Variants in PPP2R5C observed in about 807,000 individuals in gnomAD.
The protein encoded by PPP2R5C is protein phosphatase 2 regulatory subunit B'gamma.
In PPP2R5C, 7 loss-of-function variants were observed where a neutral mutation model predicts 68.9. That is an observed-to-expected ratio of 0.10 (90% CI 0.06 to 0.19). The LOEUF (loss-of-function observed/expected upper bound fraction) is 0.19. PPP2R5C is among the 10% of genes least tolerant of loss of function. The probability of loss-of-function intolerance (pLI) is 1.00; values close to 1 mark genes in which losing one functional copy is unlikely to be tolerated. For missense variants in PPP2R5C, 348 were observed against 641.3 expected (o/e 0.54, Z 4.94); for synonymous variants, 210 against 222.2 (o/e 0.95, Z 0.49).
chr14:101,908,134 C>G (rs1460434826), intron 10 of PPP2R5C, among the ~76,000 whole-genome samples: 1 of 152,182 alleles, frequency 6.6e-6, no homozygotes, highest in Non-Finnish European at 1.5e-5. Context: ...AGTGCTTTGC[C>G]TTGCAACAAT....
intron 2 of PPP2R5C, among the ~76,000 whole-genome samples, chr14:101,764,448 G>C (rs759970326): frequency 9.9e-5 from 15 of 152,192 alleles, no homozygotes; most frequent in Non-Finnish European, 1.6e-4. Context: ...AGTTCTGTCT[G>C]GGAAACACAG....
At chr14:101,893,619 A>G (rs113336928) in intron 7 of PPP2R5C, among the ~76,000 whole-genome samples, 3,956 of 152,298 alleles carry the variant, frequency 0.026, 72 homozygotes, top group Middle Eastern at 0.092. Flanking sequence ...GCATGGTGGC[A>G]CATGCCTGTA....
intron 2 of PPP2R5C, among the ~76,000 whole-genome samples, chr14:101,880,905 A>G (rs756413685): frequency 2.0e-5 from 3 of 152,194 alleles, no homozygotes; most frequent in Admixed American, 6.5e-5. Context: ...GACTCTCTAG[A>G]AACATCTTCT....
At chr14:101,866,953 A>G (rs1180861678) in intron 2 of PPP2R5C, among the ~76,000 whole-genome samples, 1 of 152,142 alleles carries the variant, frequency 6.6e-6, no homozygotes, top group African/African-American at 2.4e-5. Context: ...ACGGTGGCTC[A>G]CACCTGTAAT....
intron 2 of PPP2R5C, among the ~76,000 whole-genome samples, chr14:101,782,827 C>A (rs1266041371): frequency 1.4e-4 from 1 of 7,326 alleles, no homozygotes; most frequent in East Asian, 2.8e-3. Flanking sequence ...TGTTCTCCCC[C>A]TTCCCCTCCC....
intron 6 of PPP2R5C, 132 bp downstream of exon 8, chr14:101,890,428 T>G: frequency 1.2e-6 from 1 of 847,604 alleles, no homozygotes; most frequent in Non-Finnish European, 1.8e-6. Context: ...CAAATACAAT[T>G]TCACTGAAAG....
intron 8 of PPP2R5C, among the ~76,000 whole-genome samples, chr14:101,897,135 C>T (rs1439141075): frequency 6.6e-6 from 1 of 152,152 alleles, no homozygotes; most frequent in Non-Finnish European, 1.5e-5. Context: ...GATACCTCCG[C>T]CTGAGATTTT....
At chr14:101,850,818 A>G (rs1467052385) in intron 1 of PPP2R5C, among the ~76,000 whole-genome samples, 1 of 152,034 alleles carries the variant, frequency 6.6e-6, no homozygotes, top group Non-Finnish European at 1.5e-5. Context: ...ACAAAATAGA[A>G]CTGCTGAGCT....
chr14:101,925,290 C>G, exon 14 of PPP2R5C: 1 of 1,610,296 alleles, frequency 6.2e-7, no homozygotes, highest in Non-Finnish European at 8.5e-7. Flanking sequence ...GGCGCCGCGT[C>G]GGGGCCGGGC....
chr14:101,773,158 C>T (rs1382047217), intron 2 of PPP2R5C, among the ~76,000 whole-genome samples: 2 of 152,144 alleles, frequency 1.3e-5, no homozygotes, highest in Non-Finnish European at 2.9e-5. Context: ...TTCCTGCACT[C>T]GTGGAGTTTG....
chr14:101,836,682 AAC>A (rs1184039916), intron 1 of PPP2R5C: 2 of 326,790 alleles, frequency 6.1e-6, no homozygotes, highest in Non-Finnish European at 1.1e-5. Context: ...TAACAAATTA[AAC>A]ACACATGGAT....
chr14:101,853,623 T>A (rs1395614851), intron 1 of PPP2R5C, among the ~76,000 whole-genome samples: 1 of 152,216 alleles, frequency 6.6e-6, no homozygotes, highest in Non-Finnish European at 1.5e-5. Context: ...CCACTCTGAA[T>A]GATCCCAACA....
Position 101,891,297 on chromosome 14 carries a change from C to T in PPP2R5C, c.689+1001C>T, listed in dbSNP as rs116813177. Among the ~76,000 whole-genome samples the T allele has an allele frequency of 9.0e-3, 1,375 of 152,272 alleles. 18 individuals carry two copies. Among genetic ancestry groups the T allele is most frequent in the African/African-American group, 0.031 (1,287 of 41,530 alleles). On this transcript the variant is annotated intron_variant, in intron 6 of 13. Coordinates refer to ENST00000334743, the Ensembl canonical transcript of PPP2R5C. This position sits in a 1 kb window ranked among gnomAD's most constrained non-coding sequence, Gnocchi z 4.9. ...CGCTCTGCAGCTCCTGAGCACAAGA[C>T]TCTCTTCTCAGGGTGGATCAGGTCC...
chr14:101,823,386 C>A (rs546835484), intron 1 of PPP2R5C, among the ~76,000 whole-genome samples: 1 of 152,308 alleles, frequency 6.6e-6, no homozygotes, highest in South Asian at 2.1e-4. Flanking sequence ...TACCATCATT[C>A]ATCTCTTCTA....
chr14:101,852,737 G>A (rs9972274), intron 1 of PPP2R5C, among the ~76,000 whole-genome samples: 1 of 151,984 alleles, frequency 6.6e-6, no homozygotes, highest in East Asian at 1.9e-4. Context: ...CTCCCAAAGC[G>A]CTGGGATTAC....
chr14:101,793,144 C>T (rs1430369499), intron 3 of PPP2R5C, among the ~76,000 whole-genome samples: 1 of 152,116 alleles, frequency 6.6e-6, no homozygotes, highest in African/African-American at 2.4e-5. Flanking sequence ...TCCCAAAGTG[C>T]TGAGATTACA....
chr14:101,886,297 A>AC (rs1350887836), intron 5 of PPP2R5C, among the ~76,000 whole-genome samples: 6 of 149,250 alleles, frequency 4.0e-5, no homozygotes, highest in African/African-American at 1.5e-4. Context: ...AAAAAAAAAA[A>AC]GTAGTAGAAA....
intron 8 of PPP2R5C, among the ~76,000 whole-genome samples, chr14:101,894,921 G>A (rs1487416236): frequency 6.6e-6 from 1 of 152,162 alleles, no homozygotes; most frequent in African/African-American, 2.4e-5. Flanking sequence ...TATGATCAGA[G>A]GAATTATAGT....
At chr14:101,874,763 A>G (rs543111039) in intron 2 of PPP2R5C, among the ~76,000 whole-genome samples, 36 of 152,066 alleles carry the variant, frequency 2.4e-4, no homozygotes, top group Non-Finnish European at 5.1e-4. Context: ...AATTTGAGAC[A>G]GAGTCTTGCT....
Sources: allele counts gnomAD v4.1 joint callset (sites outside exome capture counted in the v4.1 genomes callset), GRCh38; gene constraint gnomAD v4.1.1; non-coding constraint Gnocchi (gnomAD v3.1); transcripts MANE v1.5; gene names NCBI Gene and HGNC (gene_info 2026-07-23, HGNC 2026-07-21).